The following CCND3 variants were observed in gnomAD, a reference collection of about 807,000 sequenced individuals.
The protein encoded by CCND3 is cyclin D3, also known as G1/S-specific cyclin-D3.
Under a neutral mutation model 28.7 loss-of-function variants are expected in CCND3, and 9 were observed. The ratio of observed to expected loss-of-function variants is 0.31; its 90% CI spans 0.19 to 0.55. The LOEUF is 0.55. Ranked by LOEUF, CCND3 falls within the 20% of genes least tolerant of loss-of-function variation. The probability of loss-of-function intolerance (pLI) is 0.93; values close to 1 mark genes in which losing one functional copy is unlikely to be tolerated. For missense variants in CCND3, 315 were observed against 385.8 expected (o/e 0.82, Z 1.54); for synonymous variants, 164 against 163.9 (o/e 1.00, Z 0.00).
intron 1 of CCND3, among the ~76,000 whole-genome samples, chr6:41,978,140 C>T (rs1277606296): frequency 2.6e-5 from 4 of 151,072 alleles, no homozygotes; most frequent in Non-Finnish European, 4.4e-5. Context: ...TTTGGGAGGC[C>T]GAGACGGGTG....
At chr6:42,038,439 T>C (rs1764287630) in intron 1 of CCND3, among the ~76,000 whole-genome samples, 1 of 150,760 alleles carries the variant, frequency 6.6e-6, no homozygotes, top group Non-Finnish European at 1.5e-5. Context: ...ACTTGGGAGG[T>C]TGAGGCAGGA....
Position 41,971,780 on chromosome 6 carries a change from C to T in CCND3, c.-45-31195G>A, listed in dbSNP as rs915072361. Among the ~76,000 whole-genome samples the T allele has an allele frequency of 2.6e-5, 4 of 151,036 alleles. No homozygotes were observed. The South Asian group carries it at 6.3e-4, about 24-fold the overall frequency. On this transcript the variant is annotated intron_variant, in intron 1 of 4. Transcript: ENST00000372988. The stretch of plus-strand genomic sequence containing the variant: ...GTCTCGATCTCTTGACGTCATGATC[C>T]GCCCGCCTCGGCCTCCCAAAGTGCT...
At chr6:42,010,595 G>T (rs554570604) in intron 1 of CCND3, among the ~76,000 whole-genome samples, 1 of 152,286 alleles carries the variant, frequency 6.6e-6, no homozygotes, top group African/African-American at 2.4e-5. Flanking sequence ...CTGCAGCAGG[G>T]CCGGGTTAAC....
At chr6:42,010,524 C>T (rs1049809662) in intron 1 of CCND3, among the ~76,000 whole-genome samples, 16 of 152,266 alleles carry the variant, frequency 1.1e-4, no homozygotes, top group African/African-American at 3.4e-4. Flanking sequence ...CAAGGAAAGA[C>T]ACCAAGCCCG....
At chr6:41,962,099 GTCTT>G (rs747936057) in intron 1 of CCND3, among the ~76,000 whole-genome samples, 1 of 152,066 alleles carries the variant, frequency 6.6e-6, no homozygotes, top group African/African-American at 2.4e-5. Flanking sequence ...TGCCCAAGCA[GTCTT>G]TCTTTTTTTC....
At chr6:41,943,696 C>A (rs984783104), upstream of CCND3, among the ~76,000 whole-genome samples, 1 of 152,150 alleles carries the variant, frequency 6.6e-6, no homozygotes, top group African/African-American at 2.4e-5. Context: ...TTCTAATTGC[C>A]AAATTTTCCT....
In CCND3 at chr6:41,936,781, A is replaced by C; in HGVS notation, c.575-86T>G. 7.0e-7 allele frequency: 1 copy of C among 1,418,752 alleles called. No homozygotes were observed. 87.9% of individuals were successfully genotyped at this position (1,418,752 alleles called of 1,614,324 possible). ...GACTTCCGACTCCTTGGAAAGTGCC[A>C]GGCAGCATGAGTAGAGCAGAGGACA... On this transcript the variant is annotated intron_variant, in intron 3 of 4. Transcript: ENST00000372991. This position sits in a 1 kb window ranked among gnomAD's most constrained non-coding sequence, Gnocchi z 4.4.
rs1190016442 is a variant in CCND3, at chr6:42,048,736, G to A, written c.-281C>T. 2 of 499,728 alleles carry A rather than the reference G, an allele frequency of 4.0e-6. No homozygotes were observed. The highest frequency in any genetic ancestry group is 4.2e-5 in the Admixed American group (2 of 47,980). The allele number at this position is 499,728 out of a possible 1,614,324, so 31.0% of individuals were successfully genotyped here. ...GATCCAGAGCTGGGCAGGAAGTGGG[G>A]AAGAGGGGGCGGAGGAGACAAAGGG... On this transcript the variant is annotated 5_prime_UTR_variant, in exon 1 of 5. Transcript: ENST00000372988. The surrounding 1 kb of genome is among the most constrained non-coding windows in gnomAD (Gnocchi z 4.7).
intron 1 of CCND3, among the ~76,000 whole-genome samples, chr6:41,995,240 G>A (rs1445496214): frequency 6.6e-6 from 1 of 152,004 alleles, no homozygotes; most frequent in African/African-American, 2.4e-5. Context: ...CAACCACTCA[G>A]TTATATGTAT....
intron 1 of CCND3, among the ~76,000 whole-genome samples, chr6:42,011,300 T>G (rs1239159506): frequency 6.6e-6 from 1 of 152,056 alleles, no homozygotes; most frequent in African/African-American, 2.4e-5. Context: ...TTTTAAAAAT[T>G]TATTTGTAGA....
At chr6:41,993,446 C>T (rs188173430) in intron 1 of CCND3, among the ~76,000 whole-genome samples, 2 of 125,912 alleles carry the variant, frequency 1.6e-5, no homozygotes, top group African/African-American at 3.1e-5. Flanking sequence ...GAGTCTTGCT[C>T]TGTTGCCCAG....
chr6:42,027,876 T>G (rs563422594), intron 1 of CCND3, among the ~76,000 whole-genome samples: 63 of 152,182 alleles, frequency 4.1e-4, no homozygotes, highest in African/African-American at 1.5e-3. Flanking sequence ...GCCTCCCAAG[T>G]AGCTGGGATT....
intron 1 of CCND3, among the ~76,000 whole-genome samples, chr6:42,004,319 G>A (rs148294254): frequency 2.0e-5 from 3 of 151,942 alleles, no homozygotes; most frequent in African/African-American, 7.2e-5. Flanking sequence ...AAAACTATAA[G>A]CAACTTAGTG....
At chr6:41,949,229 C>T (rs1321945031) in intron 1 of CCND3, among the ~76,000 whole-genome samples, 3 of 152,136 alleles carry the variant, frequency 2.0e-5, no homozygotes, top group East Asian at 1.9e-4. Context: ...TGCCTGTAAT[C>T]GCAGCACTTT....
intron 1 of CCND3, among the ~76,000 whole-genome samples, chr6:41,993,668 CA>C (rs1163116404): frequency 4.7e-5 from 7 of 149,630 alleles, no homozygotes; most frequent in East Asian, 3.9e-4. Context: ...CCTCGGCCTC[CA>C]AAAAAAAAGC....
chr6:42,014,359 C>CT (rs1292284514), intron 1 of CCND3, among the ~76,000 whole-genome samples: 1 of 147,294 alleles, frequency 6.8e-6, no homozygotes, highest in Non-Finnish European at 1.5e-5. Context: ...CAGCGAGACT[C>CT]TGTCTCAAAC....
chr6:41,985,499 G>A (rs1762460788), intron 1 of CCND3, among the ~76,000 whole-genome samples: 1 of 151,920 alleles, frequency 6.6e-6, no homozygotes, highest in African/African-American at 2.4e-5. Flanking sequence ...ATTTTTAATA[G>A]AGACGGGGTT....
At chr6:42,036,306 T>TTA (rs566638387) in intron 1 of CCND3, among the ~76,000 whole-genome samples, 4,975 of 130,622 alleles carry the variant, frequency 0.038, 109 homozygotes, top group South Asian at 0.05. Flanking sequence ...AAATTATTAT[T>TTA]TATATATATA....
At position 41,939,102 on chromosome 6, in the gene CCND3, A is replaced by C. The variant is rs1028153821; in HGVS notation, c.414+1268T>G. Among the ~76,000 whole-genome samples the C allele has an allele frequency of 6.6e-6, 1 of 152,130 alleles. No homozygotes were observed. The highest frequency in any genetic ancestry group is 1.5e-5 in the Non-Finnish European group (1 of 68,022). ...GGCCCTGGAAACTAGCTCCACCTTC[A>C]GACTTGCCAAAAACTACCAGATTCA... On this transcript the variant is annotated intron_variant, in intron 2 of 4. Transcript: ENST00000372991. The surrounding 1 kb of genome is among the most constrained non-coding windows in gnomAD (Gnocchi z 4.2).
Sources: gnomAD v4.1 joint callset for allele counts (sites outside exome capture counted in the v4.1 genomes callset) on GRCh38, gnomAD v4.1.1 for gene constraint, Gnocchi (gnomAD v3.1) non-coding constraint, MANE v1.5 for transcripts, NCBI Gene and HGNC (gene_info 2026-07-23, HGNC 2026-07-21) for gene names.